Variants in SYT12 observed in about 807,000 individuals in gnomAD.
SYT12 encodes the protein synaptotagmin 12, also known as synaptotagmin-12.
A neutral mutation model predicts 39.5 loss-of-function variants in SYT12; 27 were observed. That is an observed-to-expected ratio of 0.68 (90% confidence interval 0.50 to 0.94). The LOEUF is 0.94. Among genes scored for constraint, SYT12 ranks in the 40% least tolerant of loss-of-function variants. SYT12 has a pLI of 0.00. For synonymous variants in SYT12, 233 were observed against 239.7 expected, an observed-to-expected ratio of 0.97 and a Z score of 0.26; for missense variants, 536 against 572.6, an observed-to-expected ratio of 0.94 and a Z score of 0.65.
intron 2 of SYT12, chr11:67,030,824 A>T (rs1950250943): frequency 6.6e-6 from 1 of 152,430 alleles, no homozygotes; most frequent in Non-Finnish European, 1.5e-5. Context: ...TGGACAGCGG[A>T]TGGGGTCAGA....
At chr11:67,007,196 AG>A (rs1281975966) in exon 1 of SYT12, 1 of 152,414 alleles carries the variant, frequency 6.6e-6, no homozygotes, top group Non-Finnish European at 1.5e-5. Context: ...AGGAGGCCGA[AG>A]GAACCACAGC....
chr11:67,010,073 A>G (rs1178243231), exon 2 of SYT12: 1 of 152,386 alleles, frequency 6.6e-6, no homozygotes. Context: ...AGAAGCTTAA[A>G]GTGTATGGCC....
chr11:67,013,276 G>A (rs542949574), intron 3 of SYT12, among the ~76,000 whole-genome samples: 18 of 152,264 alleles, frequency 1.2e-4, no homozygotes, highest in Admixed American at 2.0e-4. Flanking sequence ...GCCCCAACTC[G>A]GGGTCATTTT....
upstream of SYT12, among the ~76,000 whole-genome samples, chr11:67,020,297 GA>G (rs1426053841): frequency 1.3e-5 from 2 of 152,200 alleles, no homozygotes; most frequent in African/African-American, 4.8e-5. Flanking sequence ...AGGAAGGCCA[GA>G]AGGCCCAGGA....
chr11:67,036,624 G>A (rs3862391), intron 3 of SYT12, among the ~76,000 whole-genome samples: 11,844 of 152,144 alleles, frequency 0.078, 560 homozygotes, highest in Non-Finnish European at 0.11. Context: ...CACGCTGTTG[G>A]GGGAATGTAA....
chr11:67,038,312 G>C (rs1950425735), intron 3 of SYT12, among the ~76,000 whole-genome samples: 1 of 151,906 alleles, frequency 6.6e-6, no homozygotes, highest in East Asian at 1.9e-4. Flanking sequence ...GATTATAGGT[G>C]CATGCCGCCA....
In SYT12 at chr11:67,044,694, C is replaced by T. The variant is rs1950580553; in HGVS notation, c.939C>T (p.Thr313=). The T allele has an allele frequency of 6.2e-7, 1 of 1,613,598 alleles. No homozygotes were observed. Among genetic ancestry groups the T allele is most frequent in the Admixed American group, 1.7e-5 (1 of 60,004 alleles). The change falls in exon 6 of 8, where the codon ACC becomes ACT. Residue 313 remains threonine, a synonymous_variant. Transcript: ENST00000527043. ...VVVKAKNLIW[T]NDKTTADPFV... Reference sequence around the variant, plus strand: ...TTAAGGCCAAGAACCTCATCTGGACCAACGACAAGACCACAGCGGGTAAGG... The same window carrying T: ...TTAAGGCCAAGAACCTCATCTGGACTAACGACAAGACCACAGCGGGTAAGG...
rs772164757 is a variant in SYT12, at chr11:67,040,160, G to A, written c.578G>A (p.Arg193His). Residue 193 changes from arginine (R) to histidine (H), a missense_variant, in exon 4 of 8, where the codon CGC becomes CAC. Transcript: ENST00000527043. ...EEASFESCFMRVSLLPDEQIV... is the reference protein window; with the variant it reads ...EEASFESCFMHVSLLPDEQIV... ...GCCAGCTTCGAGTCCTGCTTCATGC[G>A]CGTCAGCCTGCTGCCGGACGAGCAG... The A allele has an allele frequency of 2.9e-5, 47 of 1,598,640 alleles. 1 individual carries two copies. The South Asian group carries it at 4.0e-4, about 14-fold the overall frequency.
Position 67,048,585 on chromosome 11 carries a change from A to G in SYT12, c.1094A>G (p.Asp365Gly). ...GCACCCATGTTGCCTCTTCCTCAGG[A>G]CCTGTCTCTCCGCGTGACGGTGGCT... is the stretch of plus-strand genomic sequence containing the variant. ...IFSVPAIVLQ[D>G]LSLRVTVAES... The change falls in exon 8 of 8, where the codon GAC becomes GGC. Residue 365 changes from aspartate to glycine, a missense_variant and splice_region_variant. By Grantham distance (94) the Asp-to-Gly change is moderately conservative. Coordinates refer to ENST00000527043, the MANE Select transcript of SYT12 (RefSeq NM_177963.4). 1 of 1,596,250 alleles carries G rather than the reference A, an allele frequency of 6.3e-7. No homozygotes were observed. The highest frequency in any genetic ancestry group is 1.3e-5 in the African/African-American group (1 of 74,692).
chr11:67,019,483 A>C (rs1488171811), upstream of SYT12, among the ~76,000 whole-genome samples: 1 of 151,916 alleles, frequency 6.6e-6, no homozygotes, highest in East Asian at 1.9e-4. Context: ...AAAAAAAAAA[A>C]AAAATCAGAT....
chr11:67,008,838 A>G (rs1949991037), intron 1 of SYT12, among the ~76,000 whole-genome samples: 1 of 149,738 alleles, frequency 6.7e-6, no homozygotes, highest in East Asian at 2.0e-4. Flanking sequence ...CACTGCACCC[A>G]GCCTGGCTAC....
At chr11:67,038,669 C>T (rs1950435086) in intron 3 of SYT12, among the ~76,000 whole-genome samples, 1 of 152,128 alleles carries the variant, frequency 6.6e-6, no homozygotes, top group African/African-American at 2.4e-5. Flanking sequence ...GTATGGAATT[C>T]TGTCCCTACA....
At position 67,034,642 on chromosome 11, in the gene SYT12, C is replaced by T; in HGVS notation, c.35-3C>T. 1 of 1,586,618 alleles carries T rather than the reference C, an allele frequency of 6.3e-7. No individual in the cohort carries two copies. The highest frequency in any genetic ancestry group is 1.2e-5 in the South Asian group (1 of 86,476). ...CTAATGAGAGGCTGCCCTTGCCTTGCAGTCATCAAGAGCCCCCCTGGCTGG... is the reference window on the plus strand; with the variant it reads ...CTAATGAGAGGCTGCCCTTGCCTTGTAGTCATCAAGAGCCCCCCTGGCTGG... On this transcript the variant is annotated splice_region_variant and splice_polypyrimidine_tract_variant and intron_variant, in intron 2 of 7. Coordinates refer to ENST00000527043, the MANE Select transcript of SYT12 (RefSeq NM_177963.4).
chr11:67,045,995 C>G, intron 7 of SYT12, 118 bp downstream of exon 7: 1 of 1,350,988 alleles, frequency 7.4e-7, no homozygotes, highest in South Asian at 1.3e-5. Flanking sequence ...CTCCAGCCAT[C>G]ACTTTCTAGC....
rs770261444 is a variant in SYT12 at position 67,045,839 on chromosome 11, G to A, written c.1054G>A (p.Glu352Lys). 5 of 1,613,616 alleles carry A rather than the reference G, an allele frequency of 3.1e-6. No individual in the cohort carries two copies. The highest frequency in any genetic ancestry group is 1.1e-5 in the South Asian group (1 of 91,040). The change falls in exon 7 of 8, where the codon GAA becomes AAA. Residue 352 changes from glutamate (E) to lysine (K), a missense_variant. Transcript: ENST00000527043. ...KRDDPNPVFN[E>K]AMIFSVPAIV... ...GGATGACCCCAACCCGGTGTTCAACGAAGCCATGATCTTCTCGGTGCCAGC... is the reference window on the plus strand; with the variant it reads ...GGATGACCCCAACCCGGTGTTCAACAAAGCCATGATCTTCTCGGTGCCAGC...
chr11:67,020,214 G>A (rs1950095317), upstream of SYT12, among the ~76,000 whole-genome samples: 3 of 152,164 alleles, frequency 2.0e-5, no homozygotes, highest in African/African-American at 7.2e-5. Context: ...GTTGGTGAGA[G>A]CAGGGAAAAC....
intron 2 of SYT12, 153 bp downstream of exon 2, chr11:67,030,331 G>C: frequency 1.2e-6 from 1 of 812,666 alleles, no homozygotes; most frequent in Non-Finnish European, 1.9e-6. Context: ...AGGTCAGACA[G>C]CCCGCCCTGG....
chr11:67,035,669 G>A (rs1040561683), intron 3 of SYT12, among the ~76,000 whole-genome samples: 60 of 151,492 alleles, frequency 4.0e-4, no homozygotes, highest in Non-Finnish European at 7.2e-4. Context: ...ATGTTAGCCA[G>A]GATGGTCTCG....
At chr11:67,033,823 A>G (rs1950312674) in intron 2 of SYT12, among the ~76,000 whole-genome samples, 1 of 152,164 alleles carries the variant, frequency 6.6e-6, no homozygotes, top group African/African-American at 2.4e-5. Context: ...AAAACCTTGG[A>G]ACGTGTATGG....
Sources: gnomAD v4.1 joint callset for allele counts (sites outside exome capture counted in the v4.1 genomes callset) on GRCh38, gnomAD v4.1.1 for gene constraint, MANE v1.5 for transcripts, NCBI Gene and HGNC (gene_info 2026-07-23, HGNC 2026-07-21) for gene names.